Variants in THRAP3 observed in about 807,000 individuals in gnomAD.
The protein encoded by THRAP3 is thyroid hormone receptor associated protein 3.
Under a neutral mutation model 101.0 loss-of-function variants are expected in THRAP3, and 16 were observed. The observed-to-expected ratio is 0.16, with a 90% CI of 0.11 to 0.24. The LOEUF is 0.24. THRAP3 is among the 10% of genes least tolerant of loss of function. THRAP3 has a pLI of 1.00. For synonymous variants in THRAP3, 407 were observed against 422.6 expected (o/e 0.96, Z 0.45); for missense variants, 989 against 1,202.7 (o/e 0.82, Z 2.63).
At chr1:36,211,972 G>A in the THRAP3 span, among the ~76,000 whole-genome samples, 1 of 152,250 alleles carries the variant, frequency 6.6e-6, no homozygotes, top group South Asian at 2.1e-4. Flanking sequence ...CATGACTTCA[G>A]TGTAGAAGAA....
chr1:36,266,105 G>C (rs1373502574), intron 2 of THRAP3, among the ~76,000 whole-genome samples: 1 of 149,536 alleles, frequency 6.7e-6, no homozygotes, highest in Admixed American at 6.8e-5. Flanking sequence ...AGTGAGCTGA[G>C]ATTGCACCAC....
chr1:36,283,210 C>G (rs754347966), intron 3 of THRAP3, among the ~76,000 whole-genome samples: 1 of 152,218 alleles, frequency 6.6e-6, no homozygotes, highest in Non-Finnish European at 1.5e-5. Context: ...GTAAATGTAT[C>G]TTAAAACTTT....
chr1:36,245,967 A>G (rs1400697627), intron 1 of THRAP3, among the ~76,000 whole-genome samples: 5 of 152,218 alleles, frequency 3.3e-5, no homozygotes, highest in Admixed American at 1.3e-4. Context: ...CGTTCTAAGT[A>G]CATTCCATGT....
In THRAP3 at chr1:36,291,468, A is replaced by G. The variant is rs747514591; in HGVS notation, c.1840A>G (p.Ile614Val). ...EQEFRSIFQH[I>V]QSAQSQRSPS... Reference sequence around the variant, plus strand: ...GGAGTTTCGTTCCATTTTCCAGCACATACAATCAGCTCAGTCTCAGCGTAG... The same window carrying G: ...GGAGTTTCGTTCCATTTTCCAGCACGTACAATCAGCTCAGTCTCAGCGTAG... Residue 614 changes from isoleucine (I) to valine (V), a missense_variant, in exon 6 of 12, where the codon ATA becomes GTA. By Grantham distance (29) the Ile-to-Val change is conservative. Transcript: ENST00000354618. 2 of 1,614,218 alleles carry G rather than the reference A, an allele frequency of 1.2e-6. No homozygotes were observed. Among genetic ancestry groups the G allele is most frequent in the Non-Finnish European group, 1.7e-6 (2 of 1,180,036 alleles).
intron 1 of THRAP3, among the ~76,000 whole-genome samples, chr1:36,237,208 C>T (rs528609963): frequency 1.5e-3 from 232 of 152,184 alleles, no homozygotes; most frequent in African/African-American, 5.4e-3. Flanking sequence ...TGGCTCATAC[C>T]TGTAATTCCA....
chr1:36,250,779 G>A (rs775955393), intron 1 of THRAP3, among the ~76,000 whole-genome samples: 25 of 151,694 alleles, frequency 1.6e-4, no homozygotes, highest in Middle Eastern at 3.4e-3. Flanking sequence ...TGGGCGTGGT[G>A]GTGCGCGCCT....
intron 1 of THRAP3, among the ~76,000 whole-genome samples, chr1:36,241,428 T>TATAC (rs1287287207): frequency 8.7e-5 from 12 of 137,830 alleles, no homozygotes; most frequent in Non-Finnish European, 1.4e-4. Context: ...TATATATATA[T>TATAC]ACACATATAT....
chr1:36,289,879 T>TGTA, intron 5 of THRAP3, 115 bp downstream of exon 5: 1 of 1,391,232 alleles, frequency 7.2e-7, no homozygotes, highest in Non-Finnish European at 9.5e-7. Flanking sequence ...GCTTCAGTGG[T>TGTA]GATACTTTCA....
chr1:36,288,556 C>T (rs1645825285), intron 4 of THRAP3: 12 of 985,250 alleles, frequency 1.2e-5, no homozygotes, highest in East Asian at 1.1e-4. Context: ...CAGTATATTT[C>T]GTATTTAGAT....
Position 36,289,375 on chromosome 1 carries a change from T to C in THRAP3, c.1356T>C (p.Phe452=). The C allele has an allele frequency of 6.2e-7, 1 of 1,614,136 alleles. No individual in the cohort carries two copies. Among genetic ancestry groups the C allele is most frequent in the South Asian group, 1.1e-5 (1 of 91,074 alleles). The change falls in exon 5 of 12, where the codon TTT becomes TTC. Residue 452 remains phenylalanine, a synonymous_variant. Coordinates refer to ENST00000354618, the MANE Select transcript of THRAP3 (RefSeq NM_005119.4). ...CTGAGTTTGATGATGAACCCAAATT[T>C]ATGTCTAAAGTCATAGGTGCAAACA... ...KESEFDDEPK[F]MSKVIGANKN... is the part of the protein sequence containing the mutation.
intron 1 of THRAP3, among the ~76,000 whole-genome samples, chr1:36,249,181 C>G (rs1356983850): frequency 1.4e-5 from 2 of 145,770 alleles, no homozygotes; most frequent in African/African-American, 5.0e-5. Flanking sequence ...CCGCACCCAG[C>G]CAGCACAGTC....
intron 1 of THRAP3, among the ~76,000 whole-genome samples, chr1:36,237,829 G>A (rs1277724787): frequency 2.0e-5 from 3 of 151,808 alleles, no homozygotes; most frequent in Non-Finnish European, 2.9e-5. Flanking sequence ...TTTTGTGTGT[G>A]TGTGTGTTTT....
chr1:36,286,243 C>T lies in THRAP3; in HGVS notation c.138-125C>T. 1 of 959,512 alleles carries T rather than the reference C, an allele frequency of 1.0e-6. No individual in the cohort carries two copies. The highest frequency in any genetic ancestry group is 1.6e-6 in the Non-Finnish European group (1 of 644,692). The allele number at this position is 959,512 out of a possible 1,614,324, so 59.4% of individuals were successfully genotyped here. ...CGTAGTGGGATTAAATATTTGTGCC[C>T]TTGCTTTGAAAACAAAACTGAAAGT... On this transcript the variant is annotated intron_variant, in intron 3 of 11. Transcript: ENST00000354618. The surrounding 1 kb of genome is among the most constrained non-coding windows in gnomAD (Gnocchi z 5.5).
rs530018250 is a variant in THRAP3 at position 36,255,361 on chromosome 1, G to T, written c.-134-4021G>T. ...AGATTGCCAGGGGCCGGGTACTGTG[G>T]CTCGCACTGTAATCCCAGCACTTTG... On this transcript the variant is annotated intron_variant, in intron 1 of 11. Transcript: ENST00000354618. Among the ~76,000 whole-genome samples the T allele has an allele frequency of 2.6e-5, 4 of 152,184 alleles. No individual in the cohort carries two copies. The South Asian group carries it at 8.3e-4, about 32-fold the overall frequency.
intron 4 of THRAP3, chr1:36,287,752 A>AGTCCAG: frequency 1.0e-6 from 1 of 985,468 alleles, no homozygotes; most frequent in Non-Finnish European, 1.2e-6. Context: ...GCCAAGGCAT[A>AGTCCAG]GTCCAGGAAG....
At chr1:36,296,979 C>A (rs1168745371) in intron 9 of THRAP3, among the ~76,000 whole-genome samples, 1 of 152,180 alleles carries the variant, frequency 6.6e-6, no homozygotes, top group Non-Finnish European at 1.5e-5. Context: ...CCAAAGAAGG[C>A]TTCATGAGAG....
chr1:36,235,320 A>G (rs1645072867), intron 1 of THRAP3, among the ~76,000 whole-genome samples: 1 of 152,194 alleles, frequency 6.6e-6, no homozygotes, highest in Non-Finnish European at 1.5e-5. Flanking sequence ...TTTGGTAACT[A>G]TTTGGAAAAG....
chr1:36,262,342 C>T (rs984831969), intron 2 of THRAP3, among the ~76,000 whole-genome samples: 2 of 152,186 alleles, frequency 1.3e-5, no homozygotes, highest in Non-Finnish European at 2.9e-5. Flanking sequence ...AACAGATAAA[C>T]TAGTATGATT....
the THRAP3 span, among the ~76,000 whole-genome samples, chr1:36,214,295 C>A: frequency 3.3e-5 from 5 of 152,200 alleles, no homozygotes. Flanking sequence ...GAGGTAGTAC[C>A]TAGCTGCTCA....
Sources: allele counts gnomAD v4.1 joint callset (sites outside exome capture counted in the v4.1 genomes callset), GRCh38; gene constraint gnomAD v4.1.1; non-coding constraint Gnocchi (gnomAD v3.1); transcripts MANE v1.5; gene names NCBI Gene and HGNC (gene_info 2026-07-23, HGNC 2026-07-21).